The following SVBP variants were observed in gnomAD, a reference collection of about 807,000 sequenced individuals.
SVBP encodes small vasohibin binding protein.
Under a neutral mutation model 9.2 loss-of-function variants are expected in SVBP, and 9 were observed. The ratio of observed to expected loss-of-function variants is 0.98; its 90% CI spans 0.59 to 1.71. The LOEUF is 1.71. Among genes scored for constraint, SVBP ranks in the 40% most tolerant of loss-of-function variants. The pLI, the probability that SVBP is intolerant of heterozygous loss-of-function variation, is 0.00. For synonymous variants in SVBP, 27 were observed against 23.9 expected, an observed-to-expected ratio of 1.13 and a Z score of -0.37; for missense variants, 63 against 73.2, an observed-to-expected ratio of 0.86 and a Z score of 0.51.
At position 42,817,278 on chromosome 1, in the gene SVBP, C is replaced by G. The variant is rs1017456793; in HGVS notation, c.-125G>C. The stretch of plus-strand genomic sequence containing the variant: ...GGTAATCCTCGCCTTCCCCCGACCA[C>G]TGGACCCAGCGCTGCCTGCCCACCG... On this transcript the variant is annotated 5_prime_UTR_variant, in exon 1 of 3. Transcript: ENST00000372521. 18 of 1,230,894 alleles carry G rather than the reference C, an allele frequency of 1.5e-5. No homozygotes were observed. Among genetic ancestry groups the G allele is most frequent in the Non-Finnish European group, 1.9e-5 (18 of 957,222 alleles). 76.2% of individuals were successfully genotyped at this position (1,230,894 alleles called of 1,614,324 possible). A position where few individuals can be genotyped will look rare whatever the true frequency, so the allele number is the denominator to read the frequency against.
At chr1:42,811,259 CTT>C (rs924592287) in intron 2 of SVBP, among the ~76,000 whole-genome samples, 3 of 152,246 alleles carry the variant, frequency 2.0e-5, no homozygotes, top group African/African-American at 7.2e-5. Context: ...GCCTGCCCCT[CTT>C]TAACTACAGG....
intron 2 of SVBP, chr1:42,813,587 G>T: frequency 1.9e-6 from 1 of 530,186 alleles, no homozygotes; most frequent in Non-Finnish European, 3.8e-6. Flanking sequence ...TTCCAAATTG[G>T]GGGTGCTCTC....
intron 2 of SVBP, chr1:42,814,025 C>T (rs970099205): frequency 1.1e-5 from 2 of 181,010 alleles, no homozygotes; most frequent in Admixed American, 5.9e-5. Context: ...GGATTCTTTT[C>T]TGCTTTGTCA....
intron 2 of SVBP, among the ~76,000 whole-genome samples, chr1:42,814,298 A>G (rs796776233): frequency 1.3e-5 from 2 of 151,626 alleles, no homozygotes; most frequent in South Asian, 2.1e-4. Flanking sequence ...GGATGGTCTC[A>G]ATCTCTTGAT....
Position 42,807,153 on chromosome 1 carries a change from G to GTGTGTT in SVBP, c.*260_*261insAACACA, listed in dbSNP as rs370658595. On this transcript the variant is annotated 3_prime_UTR_variant, in exon 3 of 3. Coordinates refer to ENST00000372521, the MANE Select transcript of SVBP (RefSeq NM_199342.4). ...AATAGAAAAAGTGTTTTTTGTGTGT[G>GTGTGTT]TTTTTTTTTTTTTTTTAAAAAAACC... 5.0e-5 allele frequency: 9 copies of GTGTGTT among 181,134 alleles called. No individual in the cohort carries two copies. Among genetic ancestry groups the GTGTGTT allele is most frequent in the South Asian group, 2.2e-4 (1 of 4,484 alleles). The allele number at this position is 181,134 out of a possible 1,614,324, so 11.2% of individuals were successfully genotyped here.
intron 2 of SVBP, among the ~76,000 whole-genome samples, chr1:42,815,225 G>T: frequency 8.6e-6 from 1 of 116,856 alleles, no homozygotes; most frequent in African/African-American, 3.3e-5. Context: ...TTGTGGGGTG[G>T]GGGGAGGGGG....
At position 42,817,332 on chromosome 1, in the gene SVBP, GGGGGGAGGGGCGCAGGGCCGAGCGCCA is replaced by G. The variant is rs1331398539; in HGVS notation, c.-206_-180del. 7.6e-5 allele frequency: 77 copies of G among 1,014,490 alleles called. No homozygotes were observed. The highest frequency in any genetic ancestry group is 3.5e-4 in the Admixed American group (10 of 28,960). 62.8% of individuals were successfully genotyped at this position (1,014,490 alleles called of 1,614,324 possible). On this transcript the variant is annotated 5_prime_UTR_variant, in exon 1 of 3. Transcript: ENST00000372521. ...CTCGTCCTGGGCGGGGCCGCGCGCC[GGGGGGAGGGGCGCAGGGCCGAGCGCCA>G]GGAGGCTTCCGCCCGCAGGAGCGGC...
chr1:42,815,557 A>C (rs1158815570), intron 2 of SVBP, among the ~76,000 whole-genome samples: 1 of 152,152 alleles, frequency 6.6e-6, no homozygotes, highest in Admixed American at 6.5e-5. Flanking sequence ...AAAAAATACT[A>C]TAAATAATTT....
chr1:42,816,000 T>C (rs1029075992), intron 2 of SVBP, among the ~76,000 whole-genome samples: 5 of 152,242 alleles, frequency 3.3e-5, no homozygotes, highest in African/African-American at 1.2e-4. Context: ...CTCAAGTTGA[T>C]TGTAATCGTT....
At chr1:42,816,392 G>A in intron 2 of SVBP, 39 bp downstream of exon 2, 2 of 1,368,036 alleles carry the variant, frequency 1.5e-6, no homozygotes, top group Non-Finnish European at 2.1e-6. Flanking sequence ...ATCATCTCCA[G>A]CAGACTACAG....
chr1:42,816,517 T>C lies in SVBP; in HGVS notation c.28A>G (p.Thr10Ala), dbSNP rs756375760. 5.6e-6 allele frequency: 9 copies of C among 1,613,970 alleles called. No homozygotes were observed. The Admixed American group carries it at 1.3e-4, about 24-fold the overall frequency. MDPPARKEK[T>A]KVKESVSRVE... is the part of the protein sequence containing the mutation. The stretch of plus-strand genomic sequence containing the variant: ...CTGCTGACAGATTCTTTAACTTTGG[T>C]TTTTTCTTTACGTGCAGGTGGATCC... Residue 10 changes from threonine (T) to alanine (A), a missense_variant, in exon 2 of 3, where the codon ACC becomes GCC. Transcript: ENST00000372521.
At chr1:42,816,827 G>T in intron 1 of SVBP, 1 of 352,218 alleles carries the variant, frequency 2.8e-6, no homozygotes, top group Non-Finnish European at 5.2e-6. Flanking sequence ...TGGGTTAAGT[G>T]TTTTCCTGGC....
At chr1:42,813,570 T>C (rs1217634586) in intron 2 of SVBP, 23 of 532,022 alleles carry the variant, frequency 4.3e-5, no homozygotes, top group South Asian at 2.5e-4. Context: ...TCCATTTTCA[T>C]TTGGTTTTCC....
chr1:42,811,008 G>A (rs1399817459), intron 2 of SVBP, among the ~76,000 whole-genome samples: 2 of 152,058 alleles, frequency 1.3e-5, no homozygotes, highest in South Asian at 2.1e-4. Context: ...GCATGGTGGC[G>A]GGTGCCTGTA....
intron 2 of SVBP, among the ~76,000 whole-genome samples, chr1:42,810,330 T>C (rs1248366250): frequency 3.3e-5 from 5 of 152,100 alleles, no homozygotes; most frequent in Admixed American, 2.0e-4. Context: ...TGTATTTTAG[T>C]AGAGACGGGA....
chr1:42,816,767 C>A, intron 1 of SVBP, 187 bp from the exon 2 acceptor site: 1 of 508,310 alleles, frequency 2.0e-6, no homozygotes, highest in Non-Finnish European at 3.5e-6. Context: ...GCTGGGTGTC[C>A]CTGGGCAAGT....
chr1:42,811,145 A>T (rs1036298447), intron 2 of SVBP, among the ~76,000 whole-genome samples: 7 of 152,132 alleles, frequency 4.6e-5, no homozygotes, highest in Non-Finnish European at 1.0e-4. Flanking sequence ...TCTCAAAACA[A>T]AACAAAAACA....
rs763648470 is a variant in SVBP at position 42,807,290 on chromosome 1, T to C, written c.*124A>G. ...TTAGAAGTTACACACAGGAAGTGAG[T>C]TCAGATTTATCCACAAATGTCTTCT... On this transcript the variant is annotated 3_prime_UTR_variant, in exon 3 of 3. Transcript: ENST00000372521. 1.0e-4 allele frequency: 64 copies of C among 624,936 alleles called. No individual in the cohort carries two copies. Among genetic ancestry groups the C allele is most frequent in the Non-Finnish European group, 1.6e-4 (55 of 349,888 alleles). The allele number at this position is 624,936 out of a possible 1,614,324, so 38.7% of individuals were successfully genotyped here.
intron 2 of SVBP, among the ~76,000 whole-genome samples, chr1:42,811,762 G>A (rs1019803138): frequency 2.6e-5 from 4 of 152,100 alleles, no homozygotes; most frequent in Non-Finnish European, 5.9e-5. Context: ...CTTGTCCAAC[G>A]TCACATGGAA....
Sources: allele counts gnomAD v4.1 joint callset (sites outside exome capture counted in the v4.1 genomes callset), GRCh38; gene constraint gnomAD v4.1.1; transcripts MANE v1.5; gene names NCBI Gene and HGNC (gene_info 2026-07-23, HGNC 2026-07-21).